The following HARS1 variants were observed in gnomAD, a reference collection of about 807,000 sequenced individuals.
The protein encoded by HARS1 is histidine--tRNA ligase, cytoplasmic.
A neutral mutation model predicts 63.6 loss-of-function variants in HARS1; 45 were observed. That is an observed-to-expected ratio of 0.71 (90% CI 0.56 to 0.91). The LOEUF (loss-of-function observed/expected upper bound fraction) is 0.91, where lower values mean the gene tolerates loss of function less well. Among genes scored for constraint, HARS1 ranks in the 40% least tolerant of loss-of-function variants. The pLI is 0.00. For synonymous variants in HARS1, 205 were observed against 247.1 expected, an observed-to-expected ratio of 0.83 and a Z score of 1.60; for missense variants, 508 against 643.2, an observed-to-expected ratio of 0.79 and a Z score of 2.27.
intron 3 of HARS1, chr5:140,682,780 A>G (rs1758799493): frequency 9.6e-6 from 2 of 209,190 alleles, no homozygotes; most frequent in Admixed American, 5.7e-5. Flanking sequence ...GAGTGGTTGC[A>G]TATTTATGTA....
In HARS1 at chr5:140,679,413, GA is replaced by G; in HGVS notation, c.397-287del. 3.1e-5 allele frequency: 13 copies of G among 415,186 alleles called. No individual in the cohort carries two copies. The highest frequency in any genetic ancestry group is 5.2e-5 in the Non-Finnish European group (12 of 232,896). The allele number at this position is 415,186 out of a possible 1,614,324, so 25.7% of individuals were successfully genotyped here. On this transcript the variant is annotated intron_variant, in intron 4 of 12. Transcript: ENST00000504156. This position sits in a 1 kb window ranked among gnomAD's most constrained non-coding sequence, Gnocchi z 4.3. Reference sequence around the variant, plus strand: ...GCCACAGACCAGAAAAAGGCGACCAGAAAAAGGCCCCCATATGGGATTTCTA... The same window carrying G: ...GCCACAGACCAGAAAAAGGCGACCAGAAAAGGCCCCCATATGGGATTTCTA...
Position 140,677,084 on chromosome 5 carries a change from C to T in HARS1, c.856G>A (p.Asp286Asn). 1.9e-6 allele frequency: 3 copies of T among 1,614,154 alleles called. No individual in the cohort carries two copies. The highest frequency in any genetic ancestry group is 2.5e-6 in the Non-Finnish European group (3 of 1,179,988). The stretch of plus-strand genomic sequence containing the variant: ...TGCTTGTTTTGGGATAGTTTAGGAT[C>T]CTGGAGCAGCTGTTCCACCAGGGAT... ...GVSLVEQLLQ[D>N]PKLSQNKQAL... The change falls in exon 9 of 13, where the codon GAT becomes AAT. Residue 286 changes from aspartate (D) to asparagine (N), a missense_variant. Asp to Asn is a conservative substitution (Grantham distance 23). Around this residue, in one of 2 missense-constraint regions of HARS1, gnomAD observed 403 missense variants for 548.7 expected, o/e 0.73. Coordinates refer to ENST00000504156, the MANE Select transcript of HARS1 (RefSeq NM_002109.6).
chr5:140,679,023 T>A lies in HARS1; in HGVS notation c.501A>T (p.Arg167=), dbSNP rs763249148. The stretch of plus-strand genomic sequence containing the variant: ...TCACACACTGGTAGAATTCCCGGTA[T>A]CGGCCACGGGTCATGGCTGGGTTAT... ...RRDNPAMTRG[R]YREFYQCDFD... The change falls in exon 5 of 13, where the codon CGA becomes CGT. Residue 167 remains arginine, a synonymous_variant. Transcript: ENST00000504156. This position sits in a 1 kb window ranked among gnomAD's most constrained non-coding sequence, Gnocchi z 4.3. 2.5e-6 allele frequency: 4 copies of A among 1,613,916 alleles called. No individual in the cohort carries two copies. Among genetic ancestry groups the A allele is most frequent in the African/African-American group, 2.7e-5 (2 of 74,938 alleles).
chr5:140,674,613 T>C lies in HARS1; in HGVS notation c.1458+66A>G. ...GCCAGGCTTTTTCTCAGGTCTTGAA[T>C]GGGCATGGGCCTGCCAAAATGGCAT... On this transcript the variant is annotated intron_variant, in intron 12 of 12. Coordinates refer to ENST00000504156, the MANE Select transcript of HARS1 (RefSeq NM_002109.6). 14 of 1,562,692 alleles carry C rather than the reference T, an allele frequency of 9.0e-6. No individual in the cohort carries two copies. The South Asian group carries it at 1.6e-4, about 17-fold the overall frequency.
chr5:140,683,201 G>A lies in HARS1; in HGVS notation c.199C>T (p.Pro67Ser), dbSNP rs1581516557. Residue 67 changes from proline (P) to serine (S), a missense_variant, in exon 3 of 13, where the codon CCC (proline) becomes TCC (serine). By Grantham distance (74) the Pro-to-Ser change is moderately conservative (BLOSUM62 -1). Coordinates refer to ENST00000504156, the MANE Select transcript of HARS1 (RefSeq NM_002109.6). Reference protein sequence around the residue: ...KTPKGTRDYSPRQMAVREKVF... With the variant: ...KTPKGTRDYSSRQMAVREKVF... ...TTCTCGCGAACTGCCATCTGCCGGG[G>A]ACTATAGTCTCTTGTGCCCTTGGAG... 6.2e-7 allele frequency: 1 copy of A among 1,613,870 alleles called. No individual in the cohort carries two copies. The highest frequency in any genetic ancestry group is 1.1e-5 in the South Asian group (1 of 91,068).
In HARS1 at chr5:140,674,672, C is replaced by T. The variant is rs58302597; in HGVS notation, c.1458+7G>A. 364,259 of 1,613,788 alleles carry T rather than the reference C, an allele frequency of 0.23. 42,683 individuals carry two copies. The highest frequency in any genetic ancestry group is 0.3 in the East Asian group (13,330 of 44,882). On this transcript the variant is annotated splice_region_variant and intron_variant, in intron 12 of 12. Transcript: ENST00000504156. ...TGTCCCTTAGCCTTCCTGCCCACCT[C>T]CCTCACCTCTTCCCTGCTCGTCACT...
chr5:140,685,275 A>G (rs1423047030), intron 2 of HARS1: 1 of 152,096 alleles, frequency 6.6e-6, no homozygotes, highest in Non-Finnish European at 1.5e-5. Context: ...GTAGGATAGC[A>G]GTTACCAGGG....
At position 140,679,241 on chromosome 5, in the gene HARS1, A is replaced by G. The variant is rs577812212; in HGVS notation, c.397-114T>C. The stretch of plus-strand genomic sequence containing the variant: ...CCCTATGTGGGTAAAACTGCCACCC[A>G]TAAGATTAATAGCACTTACAAACAT... On this transcript the variant is annotated intron_variant, in intron 4 of 12. Coordinates refer to ENST00000504156, the MANE Select transcript of HARS1 (RefSeq NM_002109.6). This position sits in a 1 kb window ranked among gnomAD's most constrained non-coding sequence, Gnocchi z 4.3. The G allele has an allele frequency of 1.7e-5, 15 of 864,638 alleles. No homozygotes were observed. Among genetic ancestry groups the G allele is most frequent in the East Asian group, 4.9e-5 (2 of 40,688 alleles). 53.6% of individuals were successfully genotyped at this position (864,638 alleles called of 1,614,324 possible). A position where few individuals can be genotyped will look rare whatever the true frequency, so the allele number is the denominator to read the frequency against.
rs1323642269 is a variant in HARS1 at position 140,691,337 on chromosome 5, G to C, written c.-33C>G. ...GTCCACTTGAGCCGCCTGCTGTCTC[G>C]ACCTGCGGTGGTTGCCCCAGCCTCA... On this transcript the variant is annotated 5_prime_UTR_variant, in exon 1 of 13. Coordinates refer to ENST00000504156, the MANE Select transcript of HARS1 (RefSeq NM_002109.6). 2 of 1,529,872 alleles carry C rather than the reference G, an allele frequency of 1.3e-6. No individual in the cohort carries two copies. The highest frequency in any genetic ancestry group is 1.7e-4 in the Middle Eastern group (1 of 5,828). 94.8% of individuals were successfully genotyped at this position (1,529,872 alleles called of 1,614,324 possible). A position where few individuals can be genotyped will look rare whatever the true frequency, so the allele number is the denominator to read the frequency against.
At chr5:140,684,323 A>C (rs1164458165) in intron 2 of HARS1, 3 of 979,000 alleles carry the variant, frequency 3.1e-6, no homozygotes, top group Admixed American at 6.2e-5. Context: ...ACCCAACCAA[A>C]CAAACAAAAA....
At chr5:140,675,401 G>A in intron 10 of HARS1, 1 of 309,634 alleles carries the variant, frequency 3.2e-6, no homozygotes. Context: ...TTATCTCCAT[G>A]TAGTACCTTT....
chr5:140,687,289 G>T (rs1759095398), intron 2 of HARS1: 1 of 152,208 alleles, frequency 6.6e-6, no homozygotes. Context: ...GGAGGCCAAG[G>T]TGGGCAGATT....
chr5:140,677,812 G>T, intron 6 of HARS1, 59 bp from the exon 7 acceptor site: 1 of 1,399,132 alleles, frequency 7.1e-7, no homozygotes, highest in Non-Finnish European at 1.0e-6. Flanking sequence ...ACCTGCAATA[G>T]TCATGGTCAC....
At position 140,678,700 on chromosome 5, in the gene HARS1, C is replaced by T. The variant is rs186176857; in HGVS notation, c.522+302G>A. On this transcript the variant is annotated intron_variant, in intron 5 of 12. Transcript: ENST00000504156. Reference sequence around the variant, plus strand: ...TCTACTAAAAATACAAAAAATTAGCCGGGCATAGTGGCAGGCGCCTGTAAT... The same window carrying T: ...TCTACTAAAAATACAAAAAATTAGCTGGGCATAGTGGCAGGCGCCTGTAAT... 3.0e-4 allele frequency: 65 copies of T among 213,678 alleles called. No individual in the cohort carries two copies. In the Admixed American group the frequency reaches 3.4e-3, roughly 11 times the overall value. The allele number at this position is 213,678 out of a possible 1,614,324, so 13.2% of individuals were successfully genotyped here.
At position 140,683,582 on chromosome 5, in the gene HARS1, A is replaced by G. The variant is rs186663247; in HGVS notation, c.181-363T>C. 5.4e-3 allele frequency: 4,454 copies of G among 817,896 alleles called. 13 individuals are homozygous for G. Among genetic ancestry groups the G allele is most frequent in the Non-Finnish European group, 6.2e-3 (4,145 of 664,504 alleles). The allele number at this position is 817,896 out of a possible 1,614,324, so 50.7% of individuals were successfully genotyped here. The stretch of plus-strand genomic sequence containing the variant: ...CACAGTGGCTCACGCCTGTAATCCC[A>G]GCACTTCGGGAGGCCAAGGCAGATG... On this transcript the variant is annotated intron_variant, in intron 2 of 12. Transcript: ENST00000504156.
intron 2 of HARS1, 140 bp downstream of exon 2, chr5:140,690,715 G>A (rs1036603736): frequency 2.4e-5 from 16 of 654,670 alleles, no homozygotes; most frequent in Admixed American, 1.4e-4. Context: ...GTCCAGTCCA[G>A]CCCAGCGCCC....
intron 12 of HARS1, 101 bp downstream of exon 12, chr5:140,674,578 T>C: frequency 7.6e-7 from 1 of 1,316,884 alleles, no homozygotes; most frequent in South Asian, 1.2e-5. Context: ...TGAGTTGTAC[T>C]AATATCAATG....
At position 140,677,190 on chromosome 5, in the gene HARS1, A is replaced by C. The variant is rs11954514; in HGVS notation, c.824-74T>G. ...AAGGAGGGTTGACCTTCTTGCCTGG[A>C]CTCTAGTCGCCCATGCATGTGTGTG... On this transcript the variant is annotated intron_variant, in intron 8 of 12. Transcript: ENST00000504156. 0.12 allele frequency: 187,447 copies of C among 1,532,298 alleles called. 12,850 individuals carry two copies. Among genetic ancestry groups the C allele is most frequent in the Non-Finnish European group, 0.15 (161,295 of 1,107,466 alleles). 94.9% of individuals were successfully genotyped at this position (1,532,298 alleles called of 1,614,324 possible). A position where few individuals can be genotyped will look rare whatever the true frequency, so the allele number is the denominator to read the frequency against.
chr5:140,674,848 A>T, intron 11 of HARS1, 23 bp from the exon 12 acceptor site: 1 of 1,613,496 alleles, frequency 6.2e-7, no homozygotes, highest in South Asian at 1.1e-5. Context: ...AGAGCAGAAG[A>T]TGAAGGCTGG....
Sources: gnomAD v4.1 joint callset for allele counts on GRCh38, gnomAD v4.1.1 for gene constraint, gnomAD v4.1.1 regional missense constraint, Gnocchi (gnomAD v3.1) non-coding constraint, MANE v1.5 for transcripts, NCBI Gene and HGNC (gene_info 2026-07-23, HGNC 2026-07-21) for gene names.